SIPA1L2: variants seen among roughly 807,000 people sequenced by gnomAD.
SIPA1L2 encodes signal induced proliferation associated 1 like 2.
Under a neutral mutation model 163.9 loss-of-function variants are expected in SIPA1L2, and 56 were observed. The ratio of observed to expected loss-of-function variants is 0.34; its 90% CI spans 0.28 to 0.43. The LOEUF (loss-of-function observed/expected upper bound fraction) is 0.43, where lower values mean the gene tolerates loss of function less well. Ranked by LOEUF, SIPA1L2 falls within the 20% of genes least tolerant of loss-of-function variation. The probability of loss-of-function intolerance (pLI) is 1.00; values close to 1 mark genes in which losing one functional copy is unlikely to be tolerated. For synonymous variants in SIPA1L2, 877 were observed against 865.7 expected (o/e 1.01, Z -0.23); for missense variants, 1,974 against 2,193.5 (o/e 0.90, Z 2.00).
rs145109412 is a variant in SIPA1L2, at chr1:232,505,661, G to A, written c.1483+8196C>T. Among the ~76,000 whole-genome samples the A allele has an allele frequency of 2.8e-3, 426 of 152,186 alleles. 2 individuals carry two copies. Among genetic ancestry groups the A allele is most frequent in the African/African-American group, 8.3e-3 (344 of 41,530 alleles). On this transcript the variant is annotated intron_variant, in intron 3 of 22. Coordinates refer to ENST00000674635, the MANE Select transcript of SIPA1L2 (RefSeq NM_020808.5). ...GAAAGCCCCGGTGTTTTCCACCGACGGCCACATGGAGCCCGTGCGACCACA... is the reference window on the plus strand; with the variant it reads ...GAAAGCCCCGGTGTTTTCCACCGACAGCCACATGGAGCCCGTGCGACCACA...
At chr1:232,591,354 C>T (rs917344778) in intron 1 of SIPA1L2, among the ~76,000 whole-genome samples, 4 of 152,228 alleles carry the variant, frequency 2.6e-5, no homozygotes, top group African/African-American at 9.6e-5. Flanking sequence ...TTGGTCATGA[C>T]GGGATCAGTC....
intron 2 of SIPA1L2, among the ~76,000 whole-genome samples, chr1:232,525,162 T>G (rs942299515): frequency 6.6e-6 from 1 of 151,800 alleles, no homozygotes; most frequent in Non-Finnish European, 1.5e-5. Context: ...GTTTTTTTTT[T>G]ATGGCAGGTA....
At chr1:232,469,083 G>T (rs1664671275) in intron 8 of SIPA1L2, among the ~76,000 whole-genome samples, 1 of 152,140 alleles carries the variant, frequency 6.6e-6, no homozygotes, top group Non-Finnish European at 1.5e-5. Flanking sequence ...CACCTGACAG[G>T]CTGCACGATT....
At chr1:232,588,921 A>G (rs1238776290) in intron 1 of SIPA1L2, among the ~76,000 whole-genome samples, 1 of 152,230 alleles carries the variant, frequency 6.6e-6, no homozygotes, top group East Asian at 1.9e-4. Flanking sequence ...AAATTCAATA[A>G]TGATTTCTAA....
intron 1 of SIPA1L2, among the ~76,000 whole-genome samples, chr1:232,615,969 G>C (rs1662479018): frequency 6.6e-6 from 1 of 152,188 alleles, no homozygotes; most frequent in South Asian, 2.1e-4. Flanking sequence ...CTATACGATA[G>C]GCAGCTTTTC....
chr1:232,462,363 T>C, intron 9 of SIPA1L2: 2 of 1,517,810 alleles, frequency 1.3e-6, no homozygotes, highest in Non-Finnish European at 1.8e-6. Context: ...TCCATTTCTA[T>C]GAAACATGCT....
chr1:232,465,299 T>C lies in SIPA1L2; in HGVS notation c.2361A>G (p.Ala787=), dbSNP rs754644952. The C allele has an allele frequency of 6.2e-7, 1 of 1,614,190 alleles. No individual in the cohort carries two copies. Among genetic ancestry groups the C allele is most frequent in the Admixed American group, 1.7e-5 (1 of 60,028 alleles). Residue 787 remains alanine (A), a synonymous_variant, in exon 9 of 23, where the codon GCA becomes GCG. Transcript: ENST00000674635. This position sits in a 1 kb window ranked among gnomAD's most constrained non-coding sequence, Gnocchi z 4.1. ...TTTCTGATTTATGGGCTGCATTTTC[T>C]GCATTGATTACTTTGGCTAAAAGGA... ...RDFLLAKVIN[A]ENAAHKSEKF...
intron 1 of SIPA1L2, among the ~76,000 whole-genome samples, chr1:232,583,766 G>A (rs1347586004): frequency 6.6e-6 from 1 of 152,166 alleles, no homozygotes; most frequent in East Asian, 1.9e-4. Flanking sequence ...TCCATGAAAG[G>A]TAATTATGTC....
intron 2 of SIPA1L2, among the ~76,000 whole-genome samples, chr1:232,522,576 C>T (rs532426197): frequency 1.3e-5 from 2 of 150,648 alleles, no homozygotes; most frequent in Non-Finnish European, 3.0e-5. Context: ...CTCTTCTAAA[C>T]TCTAAGCATG....
At chr1:232,612,889 C>T (rs1376909349) in intron 1 of SIPA1L2, among the ~76,000 whole-genome samples, 1 of 152,124 alleles carries the variant, frequency 6.6e-6, no homozygotes, top group Non-Finnish European at 1.5e-5. Flanking sequence ...TGTGTCCTCA[C>T]CCAAATCTTA....
At chr1:232,435,129 G>A (rs905770006) in intron 15 of SIPA1L2, among the ~76,000 whole-genome samples, 3 of 152,114 alleles carry the variant, frequency 2.0e-5, no homozygotes, top group African/African-American at 7.2e-5. Flanking sequence ...AAAGGCTGGG[G>A]CACTCAAAGT....
intron 3 of SIPA1L2, among the ~76,000 whole-genome samples, chr1:232,500,603 G>A (rs939543375): frequency 2.0e-5 from 3 of 152,316 alleles, no homozygotes; most frequent in East Asian, 1.9e-4. Flanking sequence ...CTGAAGATCT[G>A]ATTGAATTGC....
rs1402605222 is a variant in SIPA1L2, at chr1:232,466,659, C to T, written c.2244-1243G>A. On this transcript the variant is annotated intron_variant, in intron 8 of 22. Transcript: ENST00000674635. Reference sequence around the variant, plus strand: ...CAAAAAAATTAGCCGGGCGTGGTGGCGGGCGCCTGTAGTCCCAGCTACTCA... The same window carrying T: ...CAAAAAAATTAGCCGGGCGTGGTGGTGGGCGCCTGTAGTCCCAGCTACTCA... Among the ~76,000 whole-genome samples, 7 of 152,124 alleles carry T rather than the reference C, an allele frequency of 4.6e-5. No individual in the cohort carries two copies. In the East Asian group the frequency reaches 5.8e-4, roughly 13 times the overall value.
chr1:232,572,337 A>T (rs1659779044), intron 2 of SIPA1L2, among the ~76,000 whole-genome samples: 1 of 152,260 alleles, frequency 6.6e-6, no homozygotes, highest in Admixed American at 6.5e-5. Context: ...CCTAGGTGGG[A>T]AGCACCTCCC....
intron 2 of SIPA1L2, among the ~76,000 whole-genome samples, chr1:232,572,749 A>ATATATG (rs1659845111): frequency 7.0e-5 from 7 of 100,352 alleles, no homozygotes; most frequent in Admixed American, 6.7e-4. Flanking sequence ...ATATATATAT[A>ATATATG]TATATATATA....
chr1:232,546,178 C>T (rs1658020941), intron 2 of SIPA1L2, among the ~76,000 whole-genome samples: 1 of 152,230 alleles, frequency 6.6e-6, no homozygotes, highest in Non-Finnish European at 1.5e-5. Context: ...GTGCACTCTG[C>T]ATTTCCTAGG....
Position 232,465,511 on chromosome 1 carries a change from TATAC to T in SIPA1L2, c.2244-99_2244-96del, listed in dbSNP as rs201794233. Reference sequence around the variant, plus strand: ...ACATATATATACACACACACACACATATACATACACACACACACACACATATACA... The same window carrying T: ...ACATATATATACACACACACACACATATACACACACACACACACATATACA... On this transcript the variant is annotated intron_variant, in intron 8 of 22. Transcript: ENST00000674635. The surrounding 1 kb of genome is among the most constrained non-coding windows in gnomAD (Gnocchi z 4.1). 1.6e-3 allele frequency: 1,395 copies of T among 889,048 alleles called. 6 individuals carry two copies. The highest frequency in any genetic ancestry group is 1.9e-3 in the Non-Finnish European group (1,082 of 581,576). The allele number at this position is 889,048 out of a possible 1,614,324, so 55.1% of individuals were successfully genotyped here. A position where few individuals can be genotyped will look rare whatever the true frequency, so the allele number is the denominator to read the frequency against.
chr1:232,552,709 GATT>G (rs1419254553), intron 2 of SIPA1L2, among the ~76,000 whole-genome samples: 2 of 152,078 alleles, frequency 1.3e-5, no homozygotes, highest in African/African-American at 4.8e-5. Flanking sequence ...TAAGTGAATG[GATT>G]ATATCTAGCA....
At chr1:232,473,521 G>A (rs1480522188) in intron 7 of SIPA1L2, among the ~76,000 whole-genome samples, 1 of 152,226 alleles carries the variant, frequency 6.6e-6, no homozygotes, top group African/African-American at 2.4e-5. Flanking sequence ...GACTGCAACA[G>A]CAAATTGCAC....
Sources: gnomAD v4.1 joint callset for allele counts (sites outside exome capture counted in the v4.1 genomes callset) on GRCh38, gnomAD v4.1.1 for gene constraint, Gnocchi (gnomAD v3.1) non-coding constraint, MANE v1.5 for transcripts, NCBI Gene and HGNC (gene_info 2026-07-23, HGNC 2026-07-21) for gene names.